Variants in RERE observed in about 807,000 individuals in gnomAD.
RERE encodes the protein arginine-glutamic acid dipeptide repeats, also known as arginine-glutamic acid dipeptide repeats protein.
A neutral mutation model predicts 146.1 loss-of-function variants in RERE; 40 were observed. The ratio of observed to expected loss-of-function variants is 0.27; its 90% CI spans 0.21 to 0.36. RERE has a LOEUF of 0.36. Among genes scored for constraint, RERE ranks in the 10% least tolerant of loss-of-function variants. The pLI, the probability that RERE is intolerant of heterozygous loss-of-function variation, is 1.00. For synonymous variants in RERE, 1,003 were observed against 866.0 expected (o/e 1.16, Z -2.78); for missense variants, 1,933 against 2,138.7 (o/e 0.90, Z 1.90).
chr1:8,677,998 T>C (rs1638880604), intron 1 of RERE, among the ~76,000 whole-genome samples: 1 of 152,198 alleles, frequency 6.6e-6, no homozygotes, highest in South Asian at 2.1e-4. Context: ...AAGAGTTGTT[T>C]GTTCTACTCA....
At chr1:8,512,713 T>C (rs928389701) in intron 7 of RERE, 23 of 152,228 alleles carry the variant, frequency 1.5e-4, no homozygotes, top group African/African-American at 5.1e-4. Flanking sequence ...GGGCACTGAG[T>C]GTCTCTTGAA....
rs748281739 is a variant in RERE, at chr1:8,355,149, T to TATAA, written c.4668-30_4668-29insTTAT. 14 of 1,612,702 alleles carry TATAA rather than the reference T, an allele frequency of 8.7e-6. No homozygotes were observed. In the African/African-American group the frequency reaches 1.9e-4, roughly 22 times the overall value. ...GAAAGACAAAACAGGAAAGCGTATT[T>TATAA]AGTCTCAGGCCTAGGCAGGCAGTCA... On this transcript the variant is annotated intron_variant, in intron 22 of 22. Coordinates refer to ENST00000400908, the MANE Select transcript of RERE (RefSeq NM_001042681.2).
intron 12 of RERE, among the ~76,000 whole-genome samples, chr1:8,411,017 CA>C (rs1297878377): frequency 6.6e-6 from 1 of 152,128 alleles, no homozygotes; most frequent in East Asian, 1.9e-4. Flanking sequence ...AATGTTGCAA[CA>C]AATGTAAGTA....
At chr1:8,683,236 A>C (rs1011104577) in intron 1 of RERE, among the ~76,000 whole-genome samples, 4 of 152,096 alleles carry the variant, frequency 2.6e-5, no homozygotes, top group Admixed American at 6.6e-5. Context: ...CCTCCTAGGA[A>C]TCCTACAAGT....
chr1:8,366,353 G>A lies in RERE; in HGVS notation c.1285-379C>T, dbSNP rs781405309. Among the ~76,000 whole-genome samples, 3 of 152,264 alleles carry A rather than the reference G, an allele frequency of 2.0e-5. No individual in the cohort carries two copies. In the South Asian group the frequency reaches 6.2e-4, roughly 31 times the overall value. Reference sequence around the variant, plus strand: ...AGGAGCTTACATTCTAGCTGTGTGTGCACGTGAGTCTGTGCATGTGTGTGA... The same window carrying A: ...AGGAGCTTACATTCTAGCTGTGTGTACACGTGAGTCTGTGCATGTGTGTGA... On this transcript the variant is annotated intron_variant, in intron 12 of 22. Transcript: ENST00000400908.
chr1:8,366,035 C>G (rs1431172610), intron 12 of RERE, 61 bp from the exon 13 acceptor site: 25 of 1,529,084 alleles, frequency 1.6e-5, no homozygotes, highest in Non-Finnish European at 2.2e-5. Context: ...CCCCACGCAC[C>G]CTCTCTGCCA....
chr1:8,602,101 G>T (rs1278666594), intron 4 of RERE, among the ~76,000 whole-genome samples: 2 of 152,110 alleles, frequency 1.3e-5, no homozygotes, highest in Admixed American at 1.3e-4. Flanking sequence ...ATAAAGAAAT[G>T]AAAAGCAGTC....
intron 3 of RERE, among the ~76,000 whole-genome samples, chr1:8,618,236 A>G (rs1411158639): frequency 6.6e-6 from 1 of 152,224 alleles, no homozygotes; most frequent in African/African-American, 2.4e-5. Flanking sequence ...GACACTTTGT[A>G]AGTCTGACCT....
chr1:8,503,103 T>TAAATA (rs1645202120), intron 8 of RERE, among the ~76,000 whole-genome samples: 1 of 145,008 alleles, frequency 6.9e-6, no homozygotes, highest in Non-Finnish European at 1.5e-5. Flanking sequence ...AATAAATAAA[T>TAAATA]AAATAAATAA....
intron 1 of RERE, among the ~76,000 whole-genome samples, chr1:8,743,678 C>T (rs1377031232): frequency 4.6e-5 from 7 of 152,076 alleles, no homozygotes; most frequent in African/African-American, 1.7e-4. Context: ...TAAAATGAAA[C>T]TTAACAAGGG....
At position 8,362,717 on chromosome 1, in the gene RERE, T is replaced by A. The variant is rs1570043750; in HGVS notation, c.1868A>T (p.Asp623Val). Residue 623 changes from aspartate to valine, a missense_variant, in exon 16 of 23, where the codon GAC becomes GTC. Asp to Val is a radical substitution (Grantham distance 152, BLOSUM62 -3). Around this residue, in one of 11 missense-constraint regions of RERE, gnomAD observed 1,255 missense variants for 1,153.8 expected, o/e 1.09. Transcript: ENST00000400908. ...CTTCTTCACTGTCTCTGCTTTACTG[T>A]CATTGCTGGAGGTACTGGCAGCGCT... ...SPSAASTSSN[D>V]SKAETVKKSA... 1.9e-6 allele frequency: 3 copies of A among 1,614,222 alleles called. No homozygotes were observed. The highest frequency in any genetic ancestry group is 2.5e-6 in the Non-Finnish European group (3 of 1,180,046).
intron 3 of RERE, 61 bp from the exon 4 acceptor site, chr1:8,614,747 G>C: frequency 6.5e-7 from 1 of 1,534,968 alleles, no homozygotes; most frequent in Non-Finnish European, 8.8e-7. Context: ...CTGGTTATTA[G>C]GGGCACGCAG....
intron 10 of RERE, among the ~76,000 whole-genome samples, chr1:8,477,861 A>G (rs985296787): frequency 6.6e-6 from 1 of 152,240 alleles, no homozygotes; most frequent in Non-Finnish European, 1.5e-5. Flanking sequence ...AAGTTATGGA[A>G]CAACGAAGAC....
At chr1:8,418,742 T>C (rs1489226510) in intron 12 of RERE, among the ~76,000 whole-genome samples, 1 of 152,240 alleles carries the variant, frequency 6.6e-6, no homozygotes, top group Non-Finnish European at 1.5e-5. Flanking sequence ...TATTTTTGGA[T>C]CATCCACGAT....
chr1:8,501,217 GCCCCCCGCCCGGCCGGC>G (rs1645145603), intron 8 of RERE, among the ~76,000 whole-genome samples: 1 of 146,540 alleles, frequency 6.8e-6, no homozygotes, highest in Non-Finnish European at 1.5e-5. Context: ...GGGGGGGTCA[GCCCCCCGCCCGGCCGGC>G]CGCCCCGTCC....
chr1:8,462,971 T>C (rs1644545861), intron 11 of RERE, among the ~76,000 whole-genome samples: 2 of 152,326 alleles, frequency 1.3e-5, no homozygotes, highest in African/African-American at 4.8e-5. Context: ...CCCATGTATT[T>C]ATGTTAGCTG....
chr1:8,588,510 T>C (rs1307770065), intron 4 of RERE, among the ~76,000 whole-genome samples: 3 of 152,140 alleles, frequency 2.0e-5, no homozygotes, highest in Non-Finnish European at 4.4e-5. Context: ...CCACTGACTC[T>C]ATGAGGAGTG....
At chr1:8,386,022 A>ATATT (rs1186333936) in intron 12 of RERE, among the ~76,000 whole-genome samples, 6 of 26,636 alleles carry the variant, frequency 2.3e-4, no homozygotes, top group African/African-American at 3.1e-4. Context: ...ATATATATAT[A>ATATT]TTTTTTTTTT....
rs771597252 is a variant in RERE at position 8,359,801 on chromosome 1, C to T, written c.3581G>A (p.Arg1194Gln). ...REKEKEKEREREREREREAER... is the reference protein window; with the variant it reads ...REKEKEKEREQEREREREAER... ...TGCCTCGCGCTCCCGCTCTCGCTCC[C>T]GCTCCCGCTCCTTCTCCTTCTCCTT... is the stretch of plus-strand genomic sequence containing the variant. The change falls in exon 19 of 23, where the codon CGG (arginine) becomes CAG (glutamine). Residue 1194 changes from arginine to glutamine, a missense_variant. By Grantham distance (43) the Arg-to-Gln change is conservative (BLOSUM62 1). Transcript: ENST00000400908. The T allele has an allele frequency of 5.0e-6, 8 of 1,603,778 alleles. No homozygotes were observed. Among genetic ancestry groups the T allele is most frequent in the African/African-American group, 1.3e-5 (1 of 74,704 alleles).
Sources: allele counts gnomAD v4.1 joint callset (sites outside exome capture counted in the v4.1 genomes callset), GRCh38; gene constraint gnomAD v4.1.1; regional missense constraint gnomAD v4.1.1; transcripts MANE v1.5; gene names NCBI Gene and HGNC (gene_info 2026-07-23, HGNC 2026-07-21).